The following WWOX variants were observed in gnomAD, a reference collection of about 807,000 sequenced individuals.
The protein encoded by WWOX is WW domain containing oxidoreductase.
A neutral mutation model predicts 46.2 loss-of-function variants in WWOX; 69 were observed. The observed-to-expected ratio is 1.49, with a 90% CI of 1.23 to 1.82. WWOX has a LOEUF of 1.82. Ranked by LOEUF, WWOX falls within the 40% of genes most tolerant of loss-of-function variation. The pLI is 0.00. For missense variants in WWOX, 919 were observed against 542.6 expected (o/e 1.69, Z -6.89); for synonymous variants, 359 against 202.6 (o/e 1.77, Z -6.56).
intron 8 of WWOX, among the ~76,000 whole-genome samples, chr16:78,680,551 T>A (rs1283242753): frequency 6.6e-6 from 1 of 152,008 alleles, no homozygotes; most frequent in Non-Finnish European, 1.5e-5. Flanking sequence ...CAAAAAGCCA[T>A]GTAGAGCTGG....
intron 6 of WWOX, among the ~76,000 whole-genome samples, chr16:78,405,247 C>T (rs1296844359): frequency 6.6e-6 from 1 of 152,078 alleles, no homozygotes; most frequent in Non-Finnish European, 1.5e-5. Flanking sequence ...CTGGTGGTCT[C>T]CAGGGGACAC....
chr16:78,149,615 G>A (rs1341311382), intron 4 of WWOX, among the ~76,000 whole-genome samples: 2 of 152,192 alleles, frequency 1.3e-5, no homozygotes, highest in Non-Finnish European at 2.9e-5. Context: ...GAAACAGGTG[G>A]TATTTGGACC....
At chr16:78,840,379 C>T (rs976151363) in intron 8 of WWOX, among the ~76,000 whole-genome samples, 3 of 152,148 alleles carry the variant, frequency 2.0e-5, no homozygotes, top group South Asian at 4.1e-4. Context: ...CACTGTACGT[C>T]TGTGGTTGAC....
chr16:78,332,306 G>GA (rs1325451135), intron 5 of WWOX, among the ~76,000 whole-genome samples: 1 of 152,140 alleles, frequency 6.6e-6, no homozygotes, highest in Non-Finnish European at 1.5e-5. Context: ...CCTTCCCAGA[G>GA]AATTATTTGA....
chr16:78,108,361 T>A lies in WWOX; in HGVS notation c.108-62T>A, dbSNP rs1168344749. On this transcript the variant is annotated intron_variant, in intron 1 of 8. Coordinates refer to ENST00000566780, the MANE Select transcript of WWOX (RefSeq NM_016373.4). ...CTGGGAGAGAAAAAATTTAATACAATTGATTACTTTTTAGAAGAGTTAATT... is the reference window on the plus strand; with the variant it reads ...CTGGGAGAGAAAAAATTTAATACAAATGATTACTTTTTAGAAGAGTTAATT... 15 of 1,528,170 alleles carry A rather than the reference T, an allele frequency of 9.8e-6. No homozygotes were observed. In the Admixed American group the frequency reaches 1.4e-4, roughly 14 times the overall value. 94.7% of individuals were successfully genotyped at this position (1,528,170 alleles called of 1,614,324 possible). A position where few individuals can be genotyped will look rare whatever the true frequency, so the allele number is the denominator to read the frequency against.
chr16:78,530,104 G>T (rs1040944426), intron 8 of WWOX, among the ~76,000 whole-genome samples: 5 of 152,178 alleles, frequency 3.3e-5, no homozygotes, highest in African/African-American at 1.2e-4. Flanking sequence ...AGGTGCAGGA[G>T]CCAGGGTAAA....
chr16:78,789,778 A>G (rs1027587944), intron 8 of WWOX, among the ~76,000 whole-genome samples: 96 of 152,174 alleles, frequency 6.3e-4, no homozygotes, highest in African/African-American at 2.3e-3. Context: ...ATGACATACA[A>G]CTTGCAGGAA....
At chr16:78,221,168 AG>A (rs1386535586) in intron 5 of WWOX, among the ~76,000 whole-genome samples, 1 of 152,214 alleles carries the variant, frequency 6.6e-6, no homozygotes, top group Non-Finnish European at 1.5e-5. Context: ...TGGAGCTTAA[AG>A]AAAATAAATC....
intron 6 of WWOX, among the ~76,000 whole-genome samples, chr16:78,413,039 G>C (rs556460177): frequency 2.6e-5 from 4 of 152,144 alleles, no homozygotes; most frequent in Non-Finnish European, 5.9e-5. Context: ...TGAGCCAGTG[G>C]AGAGGAAAAT....
At chr16:78,300,541 T>C (rs1364020966) in intron 5 of WWOX, among the ~76,000 whole-genome samples, 2 of 149,924 alleles carry the variant, frequency 1.3e-5, no homozygotes, top group African/African-American at 4.9e-5. Context: ...CTCTTTCCCC[T>C]GTCTCCTTCT....
At chr16:78,298,335 A>T (rs2079976252) in intron 5 of WWOX, among the ~76,000 whole-genome samples, 1 of 152,104 alleles carries the variant, frequency 6.6e-6, no homozygotes, top group Admixed American at 6.5e-5. Context: ...AAAAAGAATG[A>T]CTTGGAAGGC....
At chr16:78,806,551 C>G (rs2051042532) in intron 8 of WWOX, among the ~76,000 whole-genome samples, 1 of 152,060 alleles carries the variant, frequency 6.6e-6, no homozygotes, top group African/African-American at 2.4e-5. Context: ...GGGTGGGACC[C>G]TTGCTGGAGG....
At chr16:78,308,296 C>G (rs1263534550) in intron 5 of WWOX, among the ~76,000 whole-genome samples, 2 of 152,180 alleles carry the variant, frequency 1.3e-5, no homozygotes, top group Admixed American at 1.3e-4. Context: ...GAATGGATCC[C>G]TGCCTCTGGG....
intron 8 of WWOX, among the ~76,000 whole-genome samples, chr16:78,769,284 C>A (rs992633471): frequency 6.6e-6 from 1 of 152,192 alleles, no homozygotes; most frequent in African/African-American, 2.4e-5. Context: ...TCACCATCGT[C>A]CATCCGTCTG....
At chr16:78,826,754 C>G (rs942560328) in intron 8 of WWOX, among the ~76,000 whole-genome samples, 14 of 152,160 alleles carry the variant, frequency 9.2e-5, no homozygotes, top group African/African-American at 3.4e-4. Context: ...GGCCACCATT[C>G]AACCCACAAT....
At chr16:78,504,045 G>A (rs780279780) in intron 8 of WWOX, among the ~76,000 whole-genome samples, 3 of 152,046 alleles carry the variant, frequency 2.0e-5, no homozygotes, top group Non-Finnish European at 2.9e-5. Context: ...GTCAGTCAGG[G>A]GGAAAAAAGT....
intron 8 of WWOX, among the ~76,000 whole-genome samples, chr16:78,991,152 A>G (rs568779972): frequency 6.6e-6 from 1 of 152,354 alleles, no homozygotes; most frequent in East Asian, 1.9e-4. Flanking sequence ...TTGATGGCAC[A>G]TTCAGCCCTT....
chr16:78,759,907 C>G lies in WWOX; in HGVS notation c.1056+327155C>G, dbSNP rs528834060. On this transcript the variant is annotated intron_variant, in intron 8 of 8. Transcript: ENST00000566780. The stretch of plus-strand genomic sequence containing the variant: ...CTGCTGGCATTTTTCAGCTCACGGC[C>G]ACAGCACTCTAATCTCTGCTTTCAC... 5.0e-3 allele frequency among the ~76,000 whole-genome samples: 759 copies of G among 152,254 alleles called. 6 individuals are homozygous for G. The highest frequency in any genetic ancestry group is 0.017 in the African/African-American group (720 of 41,542).
intron 8 of WWOX, among the ~76,000 whole-genome samples, chr16:78,916,673 C>G (rs141522268): frequency 1.1e-3 from 160 of 152,226 alleles, no homozygotes; most frequent in African/African-American, 3.7e-3. Flanking sequence ...AAATTCCATC[C>G]CAGGCACAAT....
Sources: allele counts gnomAD v4.1 joint callset (sites outside exome capture counted in the v4.1 genomes callset), GRCh38; gene constraint gnomAD v4.1.1; transcripts MANE v1.5; gene names NCBI Gene and HGNC (gene_info 2026-07-23, HGNC 2026-07-21).